TRMT9B: variants seen among roughly 807,000 people sequenced by gnomAD.
TRMT9B encodes the protein probable tRNA methyltransferase 9B.
TRMT9B carries 16 observed loss-of-function variants against 11.5 expected under a neutral mutation model. The ratio of observed to expected loss-of-function variants is 1.39; its 90% CI spans 0.94 to 2.11. The LOEUF (loss-of-function observed/expected upper bound fraction) is 2.11. TRMT9B is among the 30% of genes most tolerant of loss of function. TRMT9B has a pLI of 0.00. For missense variants in TRMT9B, 941 were observed against 553.8 expected (o/e 1.70, Z -7.02); for synonymous variants, 274 against 192.4 (o/e 1.42, Z -3.51).
At chr8:13,011,129 G>C (rs1811529361) in intron 3 of TRMT9B, 2 of 312,514 alleles carry the variant, frequency 6.4e-6, no homozygotes, top group South Asian at 2.6e-4. Flanking sequence ...TGGGATTACA[G>C]GTACCTGCCA....
At chr8:13,003,535 A>G (rs978426457) in intron 2 of TRMT9B, among the ~76,000 whole-genome samples, 8 of 152,096 alleles carry the variant, frequency 5.3e-5, no homozygotes, top group Non-Finnish European at 7.3e-5. Context: ...GGAATGTGCC[A>G]CCGCTGAGAA....
chr8:13,012,604 A>C (rs1811844487), intron 3 of TRMT9B, 80 bp from the exon 4 acceptor site: 2 of 1,466,802 alleles, frequency 1.4e-6, no homozygotes, highest in Non-Finnish European at 9.2e-7. Context: ...AAGGTTAATT[A>C]TATTTCTTGT....
chr8:12,955,991 C>G (rs950332446), intron 1 of TRMT9B, among the ~76,000 whole-genome samples: 1 of 152,122 alleles, frequency 6.6e-6, no homozygotes, highest in African/African-American at 2.4e-5. Flanking sequence ...TGCAAAATGC[C>G]TCTCCACCCT....
intron 3 of TRMT9B, among the ~76,000 whole-genome samples, chr8:13,009,414 A>G (rs1486854378): frequency 6.6e-6 from 1 of 152,324 alleles, no homozygotes; most frequent in East Asian, 1.9e-4. Flanking sequence ...AAAATGTGTA[A>G]AAGTATTTTA....
intron 1 of TRMT9B, among the ~76,000 whole-genome samples, chr8:12,948,845 C>G (rs369256039): frequency 2.0e-5 from 3 of 151,930 alleles, no homozygotes; most frequent in East Asian, 1.9e-4. Context: ...CTGTAGTCCC[C>G]GCTACTTGGG....
At chr8:13,019,634 G>A (rs1813432885) in intron 4 of TRMT9B, among the ~76,000 whole-genome samples, 1 of 152,146 alleles carries the variant, frequency 6.6e-6, no homozygotes, top group African/African-American at 2.4e-5. Context: ...GGATAAATGT[G>A]AGCATTAGCA....
intron 4 of TRMT9B, among the ~76,000 whole-genome samples, chr8:13,013,353 G>A (rs960058120): frequency 2.0e-5 from 3 of 152,146 alleles, no homozygotes; most frequent in African/African-American, 7.2e-5. Context: ...TCTGGTCTTG[G>A]ATTGCATTGT....
At chr8:12,983,481 C>G (rs1203810404) in intron 1 of TRMT9B, among the ~76,000 whole-genome samples, 1 of 152,094 alleles carries the variant, frequency 6.6e-6, no homozygotes, top group Non-Finnish European at 1.5e-5. Flanking sequence ...ACCAGCCTGA[C>G]CAACACGGTG....
intron 1 of TRMT9B, among the ~76,000 whole-genome samples, chr8:12,989,558 G>A (rs1471997943): frequency 2.0e-5 from 3 of 152,132 alleles, no homozygotes; most frequent in African/African-American, 4.8e-5. Context: ...ACTGATGGGG[G>A]CGTTGAAGAC....
In TRMT9B at chr8:13,018,410, C is replaced by A. The variant is rs371923558; in HGVS notation, c.329-2598C>A. Among the ~76,000 whole-genome samples, 168 of 111,928 alleles carry A rather than the reference C, an allele frequency of 1.5e-3. 1 individual carries two copies. Among genetic ancestry groups the A allele is most frequent in the African/African-American group, 5.2e-3 (159 of 30,792 alleles). 73.4% of individuals were successfully genotyped at this position (111,928 alleles called of 152,430 possible). A position where few individuals can be genotyped will look rare whatever the true frequency, so the allele number is the denominator to read the frequency against. ...AGACCCTGTCTCAAAAAAAAAAAAA[C>A]GACAACAAAGAAAAAAACCTACTTT... On this transcript the variant is annotated intron_variant, in intron 4 of 4. Transcript: ENST00000524591.
At chr8:12,976,566 C>G (rs1804484825) in intron 1 of TRMT9B, among the ~76,000 whole-genome samples, 1 of 151,312 alleles carries the variant, frequency 6.6e-6, no homozygotes, top group Non-Finnish European at 1.5e-5. Context: ...ATAGTAAAAC[C>G]CTGTCTCTAC....
intron 1 of TRMT9B, among the ~76,000 whole-genome samples, chr8:12,965,356 CA>C (rs1186466957): frequency 6.6e-6 from 1 of 152,184 alleles, no homozygotes; most frequent in African/African-American, 2.4e-5. Flanking sequence ...GAACACAGAG[CA>C]TAGAGATGGT....
chr8:12,987,492 A>T (rs1436031659), intron 1 of TRMT9B, among the ~76,000 whole-genome samples: 1 of 152,100 alleles, frequency 6.6e-6, no homozygotes, highest in African/African-American at 2.4e-5. Flanking sequence ...GGAGTTTGAG[A>T]CCAGCCTGGG....
At chr8:12,973,389 C>T (rs1007440509) in intron 1 of TRMT9B, among the ~76,000 whole-genome samples, 11 of 152,128 alleles carry the variant, frequency 7.2e-5, no homozygotes, top group African/African-American at 2.7e-4. Context: ...ACACAGAAAG[C>T]TGGATATGTG....
intron 2 of TRMT9B, among the ~76,000 whole-genome samples, chr8:12,993,443 G>C (rs905790944): frequency 6.6e-6 from 1 of 152,178 alleles, no homozygotes; most frequent in Non-Finnish European, 1.5e-5. Context: ...TGTGTCTCCA[G>C]CCAAGTGGAC....
intron 1 of TRMT9B, among the ~76,000 whole-genome samples, chr8:12,955,849 C>T (rs1242618327): frequency 6.6e-6 from 1 of 152,084 alleles, no homozygotes; most frequent in Non-Finnish European, 1.5e-5. Flanking sequence ...TCCCGGGCGG[C>T]AAGCTTGATG....
chr8:13,006,456 C>A, intron 3 of TRMT9B, 100 bp downstream of exon 3: 1 of 1,564,144 alleles, frequency 6.4e-7, no homozygotes, highest in East Asian at 2.3e-5. Flanking sequence ...AACCAGGCAG[C>A]CTCATTGCTG....
intron 2 of TRMT9B, among the ~76,000 whole-genome samples, chr8:12,995,818 A>G (rs912472473): frequency 2.0e-5 from 3 of 152,260 alleles, no homozygotes; most frequent in South Asian, 4.2e-4. Context: ...CATTTTTCAG[A>G]AAGATTTTAT....
chr8:12,979,895 GAAA>G (rs1479568537), intron 1 of TRMT9B, among the ~76,000 whole-genome samples: 1 of 152,154 alleles, frequency 6.6e-6, no homozygotes, highest in African/African-American at 2.4e-5. Flanking sequence ...ACCTCGGCTG[GAAA>G]ATGGGTTTGA....
Sources: gnomAD v4.1 joint callset for allele counts (sites outside exome capture counted in the v4.1 genomes callset) on GRCh38, gnomAD v4.1.1 for gene constraint, MANE v1.5 for transcripts, NCBI Gene and HGNC (gene_info 2026-07-23, HGNC 2026-07-21) for gene names.